The following RNF130 variants were observed in gnomAD, a reference collection of about 807,000 sequenced individuals.
The protein encoded by RNF130 is E3 ubiquitin-protein ligase RNF130.
RNF130 carries 21 observed loss-of-function variants against 44.6 expected under a neutral mutation model. The observed-to-expected ratio is 0.47, with a 90% CI of 0.33 to 0.68. The LOEUF (loss-of-function observed/expected upper bound fraction) is 0.68, where lower values mean the gene tolerates loss of function less well. RNF130 is among the 30% of genes least tolerant of loss of function. The pLI is 0.02. For missense variants in RNF130, 479 were observed against 560.6 expected, an observed-to-expected ratio of 0.85 and a Z score of 1.47; for synonymous variants, 214 against 210.4, an observed-to-expected ratio of 1.02 and a Z score of -0.15.
intron 2 of RNF130, among the ~76,000 whole-genome samples, chr5:180,017,178 G>A (rs574395023): frequency 2.0e-5 from 3 of 152,240 alleles, no homozygotes; most frequent in African/African-American, 7.2e-5. Flanking sequence ...CAGATGTTCT[G>A]ACCATGCCCC....
chr5:179,942,464 G>A (rs908807364), intron 7 of RNF130, among the ~76,000 whole-genome samples: 1 of 152,138 alleles, frequency 6.6e-6, no homozygotes, highest in Non-Finnish European at 1.5e-5. Context: ...AGTATTATAT[G>A]TTCTTAGTCT....
chr5:180,013,065 T>C lies in RNF130; in HGVS notation c.689A>G (p.Asn230Ser). The C allele has an allele frequency of 6.2e-7, 1 of 1,612,880 alleles. No homozygotes were observed. Among genetic ancestry groups the C allele is most frequent in the East Asian group, 2.2e-5 (1 of 44,892 alleles). ...ACTGTTGAGTACTGAGCTCACCTGG[T>C]TCCTGTCGCGTGCATTTGTGTACCT... ...KIRYTNARDRNQRRLGDAAKK... is the reference protein window; with the variant it reads ...KIRYTNARDRSQRRLGDAAKK... The change falls in exon 3 of 9, where the codon AAC (asparagine) becomes AGC (serine). Residue 230 changes from asparagine to serine, a missense_variant. By Grantham distance (46) the Asn-to-Ser change is conservative. This residue lies in a region of RNF130 where 180 missense variants were observed against 275.1 expected (regional missense o/e 0.65). Transcript: ENST00000521389.
intron 7 of RNF130, among the ~76,000 whole-genome samples, chr5:179,964,707 A>T (rs2113701536): frequency 6.6e-6 from 1 of 152,362 alleles, no homozygotes; most frequent in Admixed American, 6.5e-5. Flanking sequence ...GACTTTCAAA[A>T]GGTCACGCAG....
intron 2 of RNF130, among the ~76,000 whole-genome samples, chr5:180,037,154 G>A (rs1764267527): frequency 1.3e-5 from 2 of 152,174 alleles, no homozygotes; most frequent in African/African-American, 4.8e-5. Flanking sequence ...AATTAATCCA[G>A]TCTCCTATGA....
rs1352920537 is a variant in RNF130, at chr5:179,955,944, A to G, written c.1245-275T>C. Reference sequence around the variant, plus strand: ...CGTGTTGTTTAAATACACAGGGACAATTATCATACAATTTACAATTTTTCC... The same window carrying G: ...CGTGTTGTTTAAATACACAGGGACAGTTATCATACAATTTACAATTTTTCC... On this transcript the variant is annotated intron_variant, in intron 8 of 8. Transcript: ENST00000521389. The G allele has an allele frequency of 3.2e-5, 11 of 346,490 alleles. No individual in the cohort carries two copies. The Admixed American group carries it at 5.2e-4, about 16-fold the overall frequency. 21.5% of individuals were successfully genotyped at this position (346,490 alleles called of 1,614,324 possible).
intron 5 of RNF130, among the ~76,000 whole-genome samples, chr5:179,971,452 C>T (rs1489140216): frequency 1.3e-5 from 2 of 152,240 alleles, no homozygotes; most frequent in African/African-American, 4.8e-5. Context: ...TCACTGCAAG[C>T]TCCGCCTCCC....
At chr5:179,941,030 C>G (rs533295200) in intron 7 of RNF130, among the ~76,000 whole-genome samples, 45 of 152,282 alleles carry the variant, frequency 3.0e-4, no homozygotes, top group African/African-American at 1.1e-3. Flanking sequence ...TCAGTCCTCG[C>G]ATTTCCTTTT....
chr5:179,954,437 GTGAACACA>G (rs1223750248), downstream of RNF130, among the ~76,000 whole-genome samples: 11 of 152,134 alleles, frequency 7.2e-5, no homozygotes, highest in Non-Finnish European at 1.5e-4. Flanking sequence ...TGTATGAACC[GTGAACACA>G]TGCTAAGTCA....
At position 179,939,722 on chromosome 5, in the gene RNF130, C is replaced by T. The variant is rs545332370; in HGVS notation, c.1151-19296G>A. 9.8e-5 allele frequency: 44 copies of T among 449,098 alleles called. No individual in the cohort carries two copies. In the East Asian group the frequency reaches 1.5e-3, roughly 15 times the overall value. The allele number at this position is 449,098 out of a possible 1,614,324, so 27.8% of individuals were successfully genotyped here. A position where few individuals can be genotyped will look rare whatever the true frequency, so the allele number is the denominator to read the frequency against. Reference sequence around the variant, plus strand: ...AAGAAGAAAATCCACTTCCAAAAGACGGAAATCCACTGAAAGCGGAGAAAA... The same window carrying T: ...AAGAAGAAAATCCACTTCCAAAAGATGGAAATCCACTGAAAGCGGAGAAAA... On this transcript the variant is annotated intron_variant, in intron 7 of 7. Transcript: ENST00000522208.
chr5:180,004,498 T>A (rs978791847), intron 3 of RNF130, among the ~76,000 whole-genome samples: 1 of 152,192 alleles, frequency 6.6e-6, no homozygotes, highest in Non-Finnish European at 1.5e-5. Context: ...CAGTTCTTCC[T>A]CCACTATAAA....
chr5:179,986,840 T>G (rs1050229256), intron 3 of RNF130, among the ~76,000 whole-genome samples: 1 of 152,242 alleles, frequency 6.6e-6, no homozygotes, highest in Non-Finnish European at 1.5e-5. Flanking sequence ...CTGTGATCTC[T>G]TCAATTTCTT....
intron 7 of RNF130, among the ~76,000 whole-genome samples, chr5:179,943,099 G>A (rs759995688): frequency 2.0e-5 from 3 of 152,214 alleles, no homozygotes; most frequent in Non-Finnish European, 2.9e-5. Context: ...GGAGGCTGAG[G>A]TAGGAGAATT....
chr5:180,010,207 G>A (rs1412602990), intron 3 of RNF130, among the ~76,000 whole-genome samples: 10 of 124,384 alleles, frequency 8.0e-5, no homozygotes, highest in Non-Finnish European at 1.3e-4. Context: ...AGATCCAGCC[G>A]CTGCACTCCA....
At chr5:180,024,734 C>T (rs1236928212) in intron 2 of RNF130, among the ~76,000 whole-genome samples, 1 of 152,170 alleles carries the variant, frequency 6.6e-6, no homozygotes, top group African/African-American at 2.4e-5. Flanking sequence ...TAAAGAACAG[C>T]AGAACTGTTA....
chr5:180,023,222 T>C (rs759259611), intron 2 of RNF130, among the ~76,000 whole-genome samples: 56 of 152,310 alleles, frequency 3.7e-4, no homozygotes, highest in Non-Finnish European at 6.5e-4. Context: ...TGATTACAGA[T>C]AGAAATATTT....
chr5:180,025,815 C>T (rs954420394), intron 2 of RNF130, among the ~76,000 whole-genome samples: 7 of 151,962 alleles, frequency 4.6e-5, no homozygotes, highest in African/African-American at 7.2e-5. Flanking sequence ...AAACTTTAAA[C>T]GGTAAAACAA....
chr5:179,916,439 G>A (rs924775417), exon 8 of RNF130: 4 of 152,124 alleles, frequency 2.6e-5, no homozygotes, highest in African/African-American at 9.7e-5. Flanking sequence ...TGGATGTGAG[G>A]GTAATAAAAA....
chr5:179,930,960 G>A (rs1215847160), intron 7 of RNF130, among the ~76,000 whole-genome samples: 2 of 149,942 alleles, frequency 1.3e-5, no homozygotes, highest in Non-Finnish European at 3.0e-5. Flanking sequence ...GAGAACCCAG[G>A]AGGCAGAGGT....
intron 2 of RNF130, among the ~76,000 whole-genome samples, chr5:180,018,095 G>A (rs1044490046): frequency 2.6e-5 from 4 of 152,162 alleles, no homozygotes; most frequent in Non-Finnish European, 5.9e-5. Flanking sequence ...AGGAGTTTGA[G>A]ACCAGCCTAG....
Sources: gnomAD v4.1 joint callset for allele counts (sites outside exome capture counted in the v4.1 genomes callset) on GRCh38, gnomAD v4.1.1 for gene constraint, gnomAD v4.1.1 regional missense constraint, MANE v1.5 for transcripts, NCBI Gene and HGNC (gene_info 2026-07-23, HGNC 2026-07-21) for gene names.